The following ARB2A variants were observed in gnomAD, a reference collection of about 807,000 sequenced individuals.
The protein encoded by ARB2A is cotranscriptional regulator ARB2A.
At chr5:94,080,313 T>C in the ARB2A span, among the ~76,000 whole-genome samples, 1 of 152,102 alleles carries the variant, frequency 6.6e-6, no homozygotes, top group Non-Finnish European at 1.5e-5. Flanking sequence ...TAAATGTACA[T>C]AACTCCAGGC....
chr5:93,770,401 C>G, the ARB2A span, among the ~76,000 whole-genome samples: 1 of 152,154 alleles, frequency 6.6e-6, no homozygotes, highest in Non-Finnish European at 1.5e-5. Flanking sequence ...TGGCACAAGA[C>G]AGGGATGCCC....
the ARB2A span, among the ~76,000 whole-genome samples, chr5:93,801,829 A>T: frequency 6.6e-6 from 1 of 152,176 alleles, no homozygotes; most frequent in African/African-American, 2.4e-5. Flanking sequence ...GGAACTGCTG[A>T]ATACACAATA....
chr5:93,918,669 G>A, the ARB2A span, among the ~76,000 whole-genome samples: 9 of 152,128 alleles, frequency 5.9e-5, no homozygotes, highest in African/African-American at 1.4e-4. Context: ...CGATCTGCCC[G>A]TCTCGGCCTC....
chr5:93,978,469 C>T, the ARB2A span, among the ~76,000 whole-genome samples: 1 of 152,174 alleles, frequency 6.6e-6, no homozygotes, highest in East Asian at 1.9e-4. Flanking sequence ...TTTGCAGCAC[C>T]ATGGATGCAG....
At chr5:93,668,663 A>G in the ARB2A span, among the ~76,000 whole-genome samples, 2 of 152,206 alleles carry the variant, frequency 1.3e-5, no homozygotes, top group African/African-American at 4.8e-5. Flanking sequence ...AGTTTTAGGA[A>G]CAGTGGATAG....
At chr5:94,028,286 A>G in the ARB2A span, among the ~76,000 whole-genome samples, 1 of 152,204 alleles carries the variant, frequency 6.6e-6, no homozygotes, top group Non-Finnish European at 1.5e-5. Context: ...TGAGAAAATC[A>G]TGGAGGACTG....
At chr5:93,620,764 C>T in the ARB2A span, 1 of 473,402 alleles carries the variant, frequency 2.1e-6, no homozygotes, top group Non-Finnish European at 3.4e-6. Context: ...CAGCGCTCAG[C>T]CCGCGCTCAG....
chr5:94,091,964 C>G, the ARB2A span, among the ~76,000 whole-genome samples: 1 of 151,960 alleles, frequency 6.6e-6, no homozygotes, highest in African/African-American at 2.4e-5. Context: ...TTTCCAAAAC[C>G]AAGCTTTCAT....
At chr5:94,076,926 T>C in the ARB2A span, among the ~76,000 whole-genome samples, 3 of 152,174 alleles carry the variant, frequency 2.0e-5, no homozygotes, top group Admixed American at 6.5e-5. Context: ...GGTAAAATTA[T>C]AAATATGTAT....
chr5:93,826,987 G>T, the ARB2A span, among the ~76,000 whole-genome samples: 6 of 151,854 alleles, frequency 4.0e-5, no homozygotes, highest in South Asian at 2.1e-4. Context: ...TTTTAATCCG[G>T]TCTATCGTTG....
the ARB2A span, among the ~76,000 whole-genome samples, chr5:93,868,718 G>A: frequency 7.2e-5 from 11 of 152,212 alleles, no homozygotes; most frequent in Non-Finnish European, 1.2e-4. Flanking sequence ...GTGCAAGGGC[G>A]TCTCACTTGA....
the ARB2A span, among the ~76,000 whole-genome samples, chr5:93,857,238 G>A: frequency 1.4e-3 from 209 of 152,232 alleles, 1 homozygote; most frequent in African/African-American, 4.8e-3. Flanking sequence ...CAGGAGTCAG[G>A]GACCCACTTG....
At chr5:93,738,089 C>T in the ARB2A span, 18 of 239,868 alleles carry the variant, frequency 7.5e-5, no homozygotes, top group South Asian at 7.7e-4. Flanking sequence ...GGCTTAATAT[C>T]CAGACTCTAT....
At chr5:93,816,739 AT>A in the ARB2A span, among the ~76,000 whole-genome samples, 2 of 152,170 alleles carry the variant, frequency 1.3e-5, no homozygotes, top group Non-Finnish European at 2.9e-5. Context: ...AAACAATAGA[AT>A]CTTGGTGTGC....
the ARB2A span, among the ~76,000 whole-genome samples, chr5:93,667,710 TG>T: frequency 6.6e-6 from 1 of 152,052 alleles, no homozygotes; most frequent in Non-Finnish European, 1.5e-5. Context: ...CCTCCTGGCA[TG>T]GGGATTACAG....
the ARB2A span, among the ~76,000 whole-genome samples, chr5:93,689,930 C>T: frequency 6.6e-6 from 1 of 152,104 alleles, no homozygotes; most frequent in East Asian, 1.9e-4. Context: ...GGTGGGGCAT[C>T]TCATCTGGGA....
chr5:93,773,495 T>C, the ARB2A span, among the ~76,000 whole-genome samples: 3 of 152,352 alleles, frequency 2.0e-5, no homozygotes, highest in East Asian at 5.8e-4. Context: ...AGGACGCTAA[T>C]GGCCCAAACT....
chr5:94,028,470 A>G, the ARB2A span, among the ~76,000 whole-genome samples: 2 of 152,302 alleles, frequency 1.3e-5, no homozygotes, highest in African/African-American at 4.8e-5. Context: ...GTTACCCCAG[A>G]AAAAAAGTAT....
At chr5:94,037,381 C>T in the ARB2A span, among the ~76,000 whole-genome samples, 1 of 152,054 alleles carries the variant, frequency 6.6e-6, no homozygotes. Context: ...GAAAGATAAG[C>T]TTGATGTCAG....
Sources: gnomAD v4.1 joint callset for allele counts (sites outside exome capture counted in the v4.1 genomes callset) on GRCh38, gnomAD v4.1.1 for gene constraint, MANE v1.5 for transcripts, NCBI Gene and HGNC (gene_info 2026-07-23, HGNC 2026-07-21) for gene names.